The following STAC variants were observed in gnomAD, a reference collection of about 807,000 sequenced individuals.
STAC encodes the protein SH3 and cysteine rich domain, also known as SH3 and cysteine-rich domain-containing protein.
A neutral mutation model predicts 48.8 loss-of-function variants in STAC; 43 were observed. That is an observed-to-expected ratio of 0.88 (90% CI 0.69 to 1.14). The LOEUF (loss-of-function observed/expected upper bound fraction) is 1.14, where lower values mean the gene tolerates loss of function less well. STAC is among the 50% of genes most tolerant of loss of function. The pLI is 0.00. For missense variants in STAC, 497 were observed against 504.0 expected, an observed-to-expected ratio of 0.99 and a Z score of 0.13; for synonymous variants, 193 against 179.5, an observed-to-expected ratio of 1.07 and a Z score of -0.60.
In STAC at chr3:36,528,936, C is replaced by A. The variant is rs771436116; in HGVS notation, c.1061C>A (p.Thr354Asn). ...GAGAAGATTTTTAGATGTGTTAGAA[C>A]CTTCATTGGGTGTAAGGAACAGGGG... is the stretch of plus-strand genomic sequence containing the variant. ...QNEKIFRCVR[T>N]FIGCKEQGQI... Residue 354 changes from threonine to asparagine, a missense_variant, in exon 10 of 11, where the codon ACC (threonine) becomes AAC (asparagine). Transcript: ENST00000273183. 1 of 1,613,508 alleles carries A rather than the reference C, an allele frequency of 6.2e-7. No individual in the cohort carries two copies. Among genetic ancestry groups the A allele is most frequent in the East Asian group, 2.2e-5 (1 of 44,782 alleles).
chr3:36,388,122 G>A (rs991937573), intron 1 of STAC, among the ~76,000 whole-genome samples: 2 of 152,006 alleles, frequency 1.3e-5, no homozygotes, highest in African/African-American at 4.8e-5. Context: ...ATCTAGTCAA[G>A]GCCTTCGTCC....
chr3:36,486,235 C>T lies in STAC; in HGVS notation c.673C>T (p.Pro225Ser), dbSNP rs1433116619. 1.9e-6 allele frequency: 3 copies of T among 1,613,478 alleles called. No individual in the cohort carries two copies. Among genetic ancestry groups the T allele is most frequent in the Non-Finnish European group, 2.5e-6 (3 of 1,179,650 alleles). The change falls in exon 5 of 11, where the codon CCT becomes TCT. Residue 225 changes from proline to serine, a missense_variant. Physicochemically the swap from Pro to Ser is moderately conservative, Grantham distance 74. Coordinates refer to ENST00000273183, the MANE Select transcript of STAC (RefSeq NM_003149.3). ...KGSSGSGSDS[P>S]HRTSTSDLVE... The stretch of plus-strand genomic sequence containing the variant: ...CAGCTCCGGCAGTGGCTCTGACTCA[C>T]CTCACAGAACCTCTGTAATTATCCT...
chr3:36,439,386 C>T (rs1378939361), intron 1 of STAC, among the ~76,000 whole-genome samples: 1 of 152,168 alleles, frequency 6.6e-6, no homozygotes, highest in Non-Finnish European at 1.5e-5. Context: ...GAGGGCTCTC[C>T]CACACATTAT....
intron 6 of STAC, among the ~76,000 whole-genome samples, chr3:36,498,190 T>C (rs1005032700): frequency 6.6e-6 from 1 of 152,032 alleles, no homozygotes. Context: ...CCATAAAACA[T>C]AACAAAGGAA....
intron 2 of STAC, among the ~76,000 whole-genome samples, chr3:36,454,316 A>C (rs913211250): frequency 6.6e-6 from 1 of 152,054 alleles, no homozygotes; most frequent in Non-Finnish European, 1.5e-5. Flanking sequence ...GGAGGAAGGA[A>C]CAACTCCAGA....
rs776773254 is a variant in STAC at position 36,493,113 on chromosome 3, A to C, written c.688-38A>C. ...ATCTGCTCAATTGACCACAGATATA[A>C]CATTGTTCATCCCATGCTCTTTCTT... On this transcript the variant is annotated intron_variant, in intron 5 of 10. Coordinates refer to ENST00000273183, the MANE Select transcript of STAC (RefSeq NM_003149.3). 3 of 1,592,654 alleles carry C rather than the reference A, an allele frequency of 1.9e-6. No individual in the cohort carries two copies. The South Asian group carries it at 3.3e-5, about 18-fold the overall frequency.
intron 1 of STAC, among the ~76,000 whole-genome samples, chr3:36,411,746 G>A (rs973900067): frequency 2.6e-5 from 4 of 152,178 alleles, no homozygotes; most frequent in African/African-American, 9.7e-5. Flanking sequence ...CAGCACATAT[G>A]TCCTGTCATG....
chr3:36,390,049 A>C (rs1247188819), intron 1 of STAC, among the ~76,000 whole-genome samples: 1 of 152,176 alleles, frequency 6.6e-6, no homozygotes, highest in Non-Finnish European at 1.5e-5. Context: ...TATTAGAGAG[A>C]TACCAGGCTG....
rs149423218 is a variant in STAC, at chr3:36,542,185, C to T, written c.1111-4006C>T. ...ATCACCTTATTCCTCCAATTAAAAC[C>T]TTTTAACACCTGTTTGCCCTTTTCC... On this transcript the variant is annotated intron_variant, in intron 10 of 10. Transcript: ENST00000273183. 2.4e-3 allele frequency among the ~76,000 whole-genome samples: 364 copies of T among 152,210 alleles called. 1 individual carries two copies. Among genetic ancestry groups the T allele is most frequent in the African/African-American group, 8.0e-3 (333 of 41,536 alleles).
intron 7 of STAC, among the ~76,000 whole-genome samples, chr3:36,505,468 ATAT>A (rs1698379587): frequency 6.6e-6 from 1 of 152,166 alleles, no homozygotes; most frequent in African/African-American, 2.4e-5. Flanking sequence ...ATGAACAACT[ATAT>A]TATCAAAGAA....
chr3:36,440,635 T>C (rs141309845), intron 1 of STAC, among the ~76,000 whole-genome samples: 538 of 152,326 alleles, frequency 3.5e-3, no homozygotes, highest in Admixed American at 8.0e-3. Context: ...ATCAACAATA[T>C]TCAAGGAGTG....
At chr3:36,406,371 G>C (rs1559479842) in intron 1 of STAC, among the ~76,000 whole-genome samples, 1 of 152,210 alleles carries the variant, frequency 6.6e-6, no homozygotes, top group Non-Finnish European at 1.5e-5. Context: ...TCTGAAGCTG[G>C]AGTGGTCCAT....
chr3:36,439,285 G>C (rs1016588804), intron 1 of STAC, among the ~76,000 whole-genome samples: 8 of 152,142 alleles, frequency 5.3e-5, no homozygotes, highest in African/African-American at 1.9e-4. Flanking sequence ...GCCTGGTGAA[G>C]CACTTAGCTC....
intron 1 of STAC, among the ~76,000 whole-genome samples, chr3:36,433,739 T>C (rs918053899): frequency 6.6e-6 from 1 of 152,242 alleles, no homozygotes; most frequent in African/African-American, 2.4e-5. Flanking sequence ...GAGCTCATCC[T>C]CTATATTTAC....
rs539936802 is a variant in STAC, at chr3:36,535,191, G to A, written c.1110+6206G>A. On this transcript the variant is annotated intron_variant, in intron 10 of 10. Transcript: ENST00000273183. ...TTCTCCTTGAAAAGATCCTTCACTC[G>A]CCTTGTTAGCTGTATTCTAGGTATT... is the stretch of plus-strand genomic sequence containing the variant. 4.6e-5 allele frequency among the ~76,000 whole-genome samples: 7 copies of A among 152,094 alleles called. No homozygotes were observed. The East Asian group carries it at 9.7e-4, about 21-fold the overall frequency.
chr3:36,542,391 T>C (rs557245932), intron 10 of STAC, among the ~76,000 whole-genome samples: 33 of 152,194 alleles, frequency 2.2e-4, no homozygotes, highest in Admixed American at 6.5e-4. Context: ...GAATTTAGCG[T>C]GGCTTGCATT....
intron 10 of STAC, among the ~76,000 whole-genome samples, chr3:36,530,710 C>T (rs1318483307): frequency 6.7e-6 from 1 of 150,174 alleles, no homozygotes; most frequent in African/African-American, 2.5e-5. Context: ...ATTCTCCTGC[C>T]TCAGCCTCCG....
intron 10 of STAC, among the ~76,000 whole-genome samples, chr3:36,530,061 A>G (rs1392202011): frequency 6.6e-6 from 1 of 152,140 alleles, no homozygotes; most frequent in Non-Finnish European, 1.5e-5. Flanking sequence ...TGGAGGCTGC[A>G]GTGAGCCGAG....
intron 10 of STAC, among the ~76,000 whole-genome samples, chr3:36,541,373 G>A (rs2125504478): frequency 6.6e-6 from 1 of 152,260 alleles, no homozygotes; most frequent in Admixed American, 6.5e-5. Flanking sequence ...CTGCTTCGTG[G>A]GAAAACGACA....
Sources: gnomAD v4.1 joint callset for allele counts (sites outside exome capture counted in the v4.1 genomes callset) on GRCh38, gnomAD v4.1.1 for gene constraint, MANE v1.5 for transcripts, NCBI Gene and HGNC (gene_info 2026-07-23, HGNC 2026-07-21) for gene names.